DLG2: variants seen among roughly 807,000 people sequenced by gnomAD.
DLG2 encodes the protein discs large MAGUK scaffold protein 2, also known as disks large homolog 2.
Under a neutral mutation model 132.5 loss-of-function variants are expected in DLG2, and 45 were observed. That is an observed-to-expected ratio of 0.34 (90% confidence interval 0.27 to 0.44). The LOEUF (loss-of-function observed/expected upper bound fraction) is 0.44, where lower values mean the gene tolerates loss of function less well. DLG2 is among the 20% of genes least tolerant of loss of function. DLG2 has a pLI of 1.00. For synonymous variants in DLG2, 424 were observed against 419.6 expected (o/e 1.01, Z -0.13); for missense variants, 1,045 against 1,196.9 (o/e 0.87, Z 1.87).
intron 17 of DLG2, among the ~76,000 whole-genome samples, chr11:83,801,154 C>A (rs1325969115): frequency 6.6e-6 from 1 of 152,160 alleles, no homozygotes; most frequent in Non-Finnish European, 1.5e-5. Context: ...CTCCCACCTC[C>A]CCATGCAATC....
chr11:85,394,824 C>G (rs750888628), intron 3 of DLG2, among the ~76,000 whole-genome samples: 15 of 152,112 alleles, frequency 9.9e-5, no homozygotes, highest in Non-Finnish European at 1.8e-4. Context: ...CTCCTAATTC[C>G]TACTTCATTT....
intron 6 of DLG2, among the ~76,000 whole-genome samples, chr11:84,597,879 G>A (rs983758877): frequency 6.6e-6 from 1 of 152,100 alleles, no homozygotes. Flanking sequence ...AATGTAATCA[G>A]GCCTGTACTC....
intron 7 of DLG2, among the ~76,000 whole-genome samples, chr11:84,261,650 T>C (rs2097548893): frequency 6.6e-6 from 1 of 152,226 alleles, no homozygotes; most frequent in African/African-American, 2.4e-5. Flanking sequence ...TATTCATGTC[T>C]CCGTGCAGAA....
intron 14 of DLG2, among the ~76,000 whole-genome samples, chr11:83,947,632 T>C (rs1254001395): frequency 3.9e-5 from 6 of 152,218 alleles, no homozygotes; most frequent in Non-Finnish European, 8.8e-5. Context: ...TGTAGCTCAT[T>C]TTGTGCCAGG....
At chr11:84,527,220 C>T (rs1167683470) in intron 7 of DLG2, among the ~76,000 whole-genome samples, 1 of 152,204 alleles carries the variant, frequency 6.6e-6, no homozygotes, top group Admixed American at 6.5e-5. Flanking sequence ...GCCATAGGAT[C>T]TTATGACCAG....
chr11:85,335,926 C>G (rs1030190732), intron 3 of DLG2: 3 of 152,072 alleles, frequency 2.0e-5, no homozygotes, highest in Non-Finnish European at 4.4e-5. Flanking sequence ...CACATGTACC[C>G]CAGAACTTAA....
At chr11:84,668,730 T>C (rs913151812) in intron 6 of DLG2, among the ~76,000 whole-genome samples, 2 of 152,176 alleles carry the variant, frequency 1.3e-5, no homozygotes, top group African/African-American at 4.8e-5. Context: ...CATTTCCCCT[T>C]AGTAATAATT....
intron 19 of DLG2, among the ~76,000 whole-genome samples, chr11:83,587,763 G>A (rs2097111675): frequency 6.6e-6 from 1 of 152,106 alleles, no homozygotes; most frequent in Non-Finnish European, 1.5e-5. Context: ...CCAGACAGTG[G>A]GCGCAGGTCA....
chr11:85,407,226 T>G (rs2088837484), intron 3 of DLG2, among the ~76,000 whole-genome samples: 1 of 151,732 alleles, frequency 6.6e-6, no homozygotes, highest in South Asian at 2.1e-4. Flanking sequence ...ATGGAAAAAT[T>G]TTGCAAAATT....
At chr11:85,059,114 A>G (rs549588390) in intron 6 of DLG2, among the ~76,000 whole-genome samples, 3 of 151,624 alleles carry the variant, frequency 2.0e-5, no homozygotes, top group Non-Finnish European at 4.4e-5. Context: ...CATCCAAAAT[A>G]GGACTCATAT....
At chr11:85,223,270 CTT>C (rs1430011467) in intron 4 of DLG2, among the ~76,000 whole-genome samples, 1 of 152,036 alleles carries the variant, frequency 6.6e-6, no homozygotes, top group Non-Finnish European at 1.5e-5. Context: ...TAGATTGGTC[CTT>C]TCCTAGAAGA....
At chr11:85,018,298 A>C (rs1240374096) in intron 6 of DLG2, among the ~76,000 whole-genome samples, 1 of 152,196 alleles carries the variant, frequency 6.6e-6, no homozygotes, top group Non-Finnish European at 1.5e-5. Context: ...GAAACTAACA[A>C]GGAGACACAA....
In DLG2 at chr11:84,458,454, C is replaced by A. The variant is rs554948305; in HGVS notation, c.519+76116G>T. Reference sequence around the variant, plus strand: ...TGTCATATTCTTTTCCTAATCTTTGCCAAATTGATAGCTTAAAATCAGTAC... The same window carrying A: ...TGTCATATTCTTTTCCTAATCTTTGACAAATTGATAGCTTAAAATCAGTAC... On this transcript the variant is annotated intron_variant, in intron 7 of 27. Coordinates refer to ENST00000376104, the MANE Select transcript of DLG2 (RefSeq NM_001142699.3). Among the ~76,000 whole-genome samples the A allele has an allele frequency of 2.7e-5, 4 of 150,778 alleles. No homozygotes were observed. In the South Asian group the frequency reaches 8.3e-4, roughly 31 times the overall value.
intron 3 of DLG2, among the ~76,000 whole-genome samples, chr11:85,378,903 A>C (rs1257491997): frequency 6.6e-6 from 1 of 152,162 alleles, no homozygotes; most frequent in African/African-American, 2.4e-5. Flanking sequence ...TGACAGGAAA[A>C]ATACACATAA....
intron 3 of DLG2, among the ~76,000 whole-genome samples, chr11:85,465,855 G>C (rs889024536): frequency 3.3e-5 from 5 of 151,726 alleles, no homozygotes; most frequent in African/African-American, 9.7e-5. Context: ...GGTATTTCTA[G>C]TTCTAGATCC....
chr11:85,026,146 CA>C (rs2060494055), intron 6 of DLG2, among the ~76,000 whole-genome samples: 1 of 151,844 alleles, frequency 6.6e-6, no homozygotes, highest in Non-Finnish European at 1.5e-5. Context: ...TTAAAATTTT[CA>C]AACAAAAGGC....
At chr11:85,391,785 C>T (rs898358934) in intron 3 of DLG2, among the ~76,000 whole-genome samples, 2 of 152,004 alleles carry the variant, frequency 1.3e-5, no homozygotes, top group Non-Finnish European at 2.9e-5. Flanking sequence ...AAGGGACACA[C>T]CTTAAGGTAA....
intron 5 of DLG2, among the ~76,000 whole-genome samples, chr11:85,140,207 T>G (rs561237612): frequency 6.6e-6 from 1 of 152,112 alleles, no homozygotes; most frequent in South Asian, 2.1e-4. Context: ...CATACAGTGT[T>G]GTATCTTCAG....
At chr11:84,366,456 C>T (rs2098683056) in intron 7 of DLG2, among the ~76,000 whole-genome samples, 1 of 151,738 alleles carries the variant, frequency 6.6e-6, no homozygotes, top group Admixed American at 6.6e-5. Flanking sequence ...CAAATTCACA[C>T]ATAACAATAT....
Sources: gnomAD v4.1 joint callset for allele counts (sites outside exome capture counted in the v4.1 genomes callset) on GRCh38, gnomAD v4.1.1 for gene constraint, MANE v1.5 for transcripts, NCBI Gene and HGNC (gene_info 2026-07-23, HGNC 2026-07-21) for gene names.